The following RECQL variants were observed in gnomAD, a reference collection of about 807,000 sequenced individuals.
RECQL encodes the protein RecQ like helicase, also known as ATP-dependent DNA helicase Q1.
RECQL carries 73 observed loss-of-function variants against 75.8 expected under a neutral mutation model. That is an observed-to-expected ratio of 0.96 (90% CI 0.80 to 1.17). The LOEUF is 1.17. Among genes scored for constraint, RECQL ranks in the 50% most tolerant of loss-of-function variants. The probability of loss-of-function intolerance (pLI) is 0.00; values close to 1 mark genes in which losing one functional copy is unlikely to be tolerated. For missense variants in RECQL, 699 were observed against 772.1 expected (o/e 0.91, Z 1.12); for synonymous variants, 248 against 254.4 (o/e 0.97, Z 0.24).
chr12:21,475,073 A>G (rs557379677), intron 10 of RECQL, 94 bp from the exon 11 acceptor site: 31 of 1,239,850 alleles, frequency 2.5e-5, no homozygotes, highest in Admixed American at 9.6e-5. Context: ...GCAATGTTTT[A>G]TACTACATCT....
rs1565570972 is a variant in RECQL, at chr12:21,486,493, C to A, written c.487G>T (p.Ala163Ser). 1.3e-6 allele frequency: 2 copies of A among 1,588,022 alleles called. No individual in the cohort carries two copies. The highest frequency in any genetic ancestry group is 1.7e-6 in the Non-Finnish European group (2 of 1,171,128). The change falls in exon 5 of 15, where the codon GCT (alanine) becomes TCT (serine). Residue 163 changes from alanine (A) to serine (S), a missense_variant. Coordinates refer to ENST00000444129, the MANE Select transcript of RECQL (RefSeq NM_002907.4). ...QLGISATMLN[A>S]SSSKEHVKWV... ...CTGAAACATACCTTAGAACTAGAAG[C>A]ATTTAACATGGTTGCTGAAATTCCT...
chr12:21,482,668 A>G (rs1346376287), intron 6 of RECQL, among the ~76,000 whole-genome samples: 1 of 152,202 alleles, frequency 6.6e-6, no homozygotes, highest in East Asian at 1.9e-4. Flanking sequence ...GACGGGAAAC[A>G]GAGTGATTGC....
Position 21,475,469 on chromosome 12 carries a change from T to C in RECQL, c.1215A>G (p.Ala405=). Residue 405 remains alanine (A), a splice_region_variant and synonymous_variant, in exon 10 of 15, where the codon GCA becomes GCG. Coordinates refer to ENST00000444129, the MANE Select transcript of RECQL (RefSeq NM_002907.4). ...CTTCTGGATTTGAGTCCTACATACC[T>C]GCACGTCCACTCTCTTGGTAATAAT... ...MENYYQESGR[A]GRDDMKADCI... is the part of the protein sequence containing the mutation. The C allele has an allele frequency of 6.3e-7, 1 of 1,594,306 alleles. No individual in the cohort carries two copies. Among genetic ancestry groups the C allele is most frequent in the Non-Finnish European group, 8.6e-7 (1 of 1,164,036 alleles).
chr12:21,471,928 T>C (rs972467100), intron 12 of RECQL, among the ~76,000 whole-genome samples: 10 of 152,046 alleles, frequency 6.6e-5, no homozygotes, highest in African/African-American at 2.4e-4. Context: ...TCAGAAAGTG[T>C]CTGCCAGACA....
At chr12:21,492,437 C>T (rs1454204551) in intron 2 of RECQL, among the ~76,000 whole-genome samples, 1 of 152,156 alleles carries the variant, frequency 6.6e-6, no homozygotes, top group Admixed American at 6.5e-5. Flanking sequence ...TTCTCATATA[C>T]CTGCCTGCAT....
chr12:21,476,787 G>A, intron 8 of RECQL, 124 bp downstream of exon 8: 1 of 499,578 alleles, frequency 2.0e-6, no homozygotes, highest in East Asian at 3.4e-5. Context: ...GTATTTTCAA[G>A]TATCTTCTGC....
rs763230366 is a variant in RECQL at position 21,490,221 on chromosome 12, C to T, written c.372G>A (p.Gln124=). ...PTGGGKSLCY[Q]LPALCSDGFT... ...TACCATCTGAACATAATGCTGGTAA[C>T]TGGTAACATAAGCTCTTTCCACCTC... The change falls in exon 4 of 15, where the codon CAG becomes CAA. Residue 124 remains glutamine, a synonymous_variant. Transcript: ENST00000444129. The T allele has an allele frequency of 6.2e-7, 1 of 1,611,544 alleles. No individual in the cohort carries two copies. Among genetic ancestry groups the T allele is most frequent in the South Asian group, 1.1e-5 (1 of 90,842 alleles).
rs1942893663 is a variant in RECQL, at chr12:21,469,984, C to T, written c.*210G>A. 3.4e-6 allele frequency: 2 copies of T among 595,806 alleles called. No homozygotes were observed. The highest frequency in any genetic ancestry group is 5.1e-6 in the Non-Finnish European group (2 of 395,042). The allele number at this position is 595,806 out of a possible 1,614,324, so 36.9% of individuals were successfully genotyped here. ...AAGGGTTTTACATAAAAATTTTTCC[C>T]TTGTTTTATACTGGAAAATTATATA... is the stretch of plus-strand genomic sequence containing the variant. On this transcript the variant is annotated 3_prime_UTR_variant, in exon 15 of 15. Transcript: ENST00000444129.
chr12:21,478,958 T>C (rs1040684865), intron 6 of RECQL, among the ~76,000 whole-genome samples: 2 of 152,206 alleles, frequency 1.3e-5, no homozygotes, highest in African/African-American at 4.8e-5. Context: ...ACAGAGGCGA[T>C]AGCTACTCAC....
At chr12:21,485,171 A>G (rs543285821) in intron 5 of RECQL, among the ~76,000 whole-genome samples, 13 of 150,378 alleles carry the variant, frequency 8.6e-5, no homozygotes, top group Non-Finnish European at 1.8e-4. Context: ...ACCAGGTACT[A>G]TGTACCACTT....
rs571296155 is a variant in RECQL, at chr12:21,483,934, T to C, written c.502-360A>G. 2.0e-5 allele frequency among the ~76,000 whole-genome samples: 3 copies of C among 152,292 alleles called. No individual in the cohort carries two copies. The South Asian group carries it at 6.2e-4, about 32-fold the overall frequency. ...GAGCTAGATGCAATTGTTATGGTTA[T>C]AAAGGTGGGTTTTATTAATTTTAAC... On this transcript the variant is annotated intron_variant, in intron 5 of 14. Transcript: ENST00000444129.
intron 10 of RECQL, among the ~76,000 whole-genome samples, 165 bp from the exon 11 acceptor site, chr12:21,475,144 TAA>T (rs941912027): frequency 6.6e-6 from 1 of 151,958 alleles, no homozygotes; most frequent in African/African-American, 2.4e-5. Context: ...AAAAAAACTC[TAA>T]AGAGACATCA....
chr12:21,470,294 T>C lies in RECQL; in HGVS notation c.1850A>G (p.Glu617Gly), dbSNP rs1387143625. 3.7e-6 allele frequency: 6 copies of C among 1,605,010 alleles called. No homozygotes were observed. Among genetic ancestry groups the C allele is most frequent in the Middle Eastern group, 1.7e-4 (1 of 6,040 alleles). ...HSEQGDKKME[E>G]KNSGNFQKKA... ...CTTCTGGAAGTTGCCTGAATTTTTT[T>C]CCTCCATCTTTTTATCACCTTGTTC... The change falls in exon 15 of 15, where the codon GAA becomes GGA. Residue 617 changes from glutamate to glycine, a missense_variant. Glu to Gly is a moderately conservative substitution (Grantham distance 98). Transcript: ENST00000444129.
chr12:21,501,608 T>C lies in RECQL; in HGVS notation c.-484A>G. 2.6e-6 allele frequency: 1 copy of C among 387,698 alleles called. No homozygotes were observed. The highest frequency in any genetic ancestry group is 4.8e-6 in the Non-Finnish European group (1 of 210,354). The allele number at this position is 387,698 out of a possible 1,614,324, so 24.0% of individuals were successfully genotyped here. ...CTTTCCGCTACTCGGGAGTAAAATC[T>C]TCCCGCCAGCCAGCTGAGAGCATCC... On this transcript the variant is annotated 5_prime_UTR_variant, in exon 1 of 15. Transcript: ENST00000444129.
intron 7 of RECQL, among the ~76,000 whole-genome samples, chr12:21,477,506 T>C (rs1943108330): frequency 1.3e-5 from 2 of 152,168 alleles, no homozygotes; most frequent in Admixed American, 6.5e-5. Flanking sequence ...ACTCCATCCT[T>C]TCTCTCCATC....
At chr12:21,483,348 A>G in intron 6 of RECQL, 28 bp downstream of exon 6, 1 of 1,542,768 alleles carries the variant, frequency 6.5e-7, no homozygotes, top group Non-Finnish European at 8.9e-7. Flanking sequence ...TATGACATCA[A>G]AAAGTTTTCT....
chr12:21,487,042 C>T (rs967035256), intron 4 of RECQL, among the ~76,000 whole-genome samples: 1 of 152,130 alleles, frequency 6.6e-6, no homozygotes, highest in African/African-American at 2.4e-5. Flanking sequence ...TTTAGTAAAG[C>T]TTACTTCTTA....
intron 6 of RECQL, among the ~76,000 whole-genome samples, chr12:21,478,848 T>C (rs959011753): frequency 4.6e-5 from 7 of 152,328 alleles, no homozygotes; most frequent in Middle Eastern, 3.4e-3. Flanking sequence ...GATGGACAGA[T>C]GCAGAAGTGC....
Position 21,469,218 on chromosome 12 carries a change from TC to T in RECQL, c.*975del, listed in dbSNP as rs1263588380. 2 of 157,772 alleles carry T rather than the reference TC, an allele frequency of 1.3e-5. No homozygotes were observed. The highest frequency in any genetic ancestry group is 2.8e-5 in the Non-Finnish European group (2 of 71,760). The allele number at this position is 157,772 out of a possible 1,614,324, so 9.8% of individuals were successfully genotyped here. A position where few individuals can be genotyped will look rare whatever the true frequency, so the allele number is the denominator to read the frequency against. On this transcript the variant is annotated 3_prime_UTR_variant, in exon 15 of 15. Coordinates refer to ENST00000444129, the MANE Select transcript of RECQL (RefSeq NM_002907.4). Reference sequence around the variant, plus strand: ...GCTAATATTTATATTGATGACTTACTCCTTTTTTGTTGAATTGTACTTCTGG... The same window carrying T: ...GCTAATATTTATATTGATGACTTACTCTTTTTTGTTGAATTGTACTTCTGG...
Sources: allele counts gnomAD v4.1 joint callset (sites outside exome capture counted in the v4.1 genomes callset), GRCh38; gene constraint gnomAD v4.1.1; transcripts MANE v1.5; gene names NCBI Gene and HGNC (gene_info 2026-07-23, HGNC 2026-07-21).